The following TRMT1L variants were observed in gnomAD, a reference collection of about 807,000 sequenced individuals.
The protein encoded by TRMT1L is tRNA methyltransferase 1L, also known as tRNA (guanine(27)-N(2))-dimethyltransferase.
Under a neutral mutation model 81.6 loss-of-function variants are expected in TRMT1L, and 28 were observed. That is an observed-to-expected ratio of 0.34 (90% CI 0.25 to 0.47). The LOEUF (loss-of-function observed/expected upper bound fraction) is 0.47. Ranked by LOEUF, TRMT1L falls within the 20% of genes least tolerant of loss-of-function variation. The pLI, the probability that TRMT1L is intolerant of heterozygous loss-of-function variation, is 1.00. For synonymous variants in TRMT1L, 301 were observed against 303.2 expected (o/e 0.99, Z 0.07); for missense variants, 739 against 877.1 (o/e 0.84, Z 1.99).
chr1:185,139,246 A>C, intron 9 of TRMT1L, 121 bp downstream of exon 9: 1 of 743,392 alleles, frequency 1.3e-6, no homozygotes, highest in East Asian at 2.7e-5. Context: ...CCAGTATTAC[A>C]GATAAGGAAT....
chr1:185,137,307 GA>G (rs1309786696), intron 10 of TRMT1L: 1 of 390,500 alleles, frequency 2.6e-6, no homozygotes, highest in African/African-American at 2.1e-5. Context: ...TAACAGCCTG[GA>G]AAAAACGTAA....
Position 185,156,647 on chromosome 1 carries a change from G to A in TRMT1L, c.66C>T (p.Val22=), listed in dbSNP as rs1170755508. The change falls in exon 1 of 15, where the codon GTC becomes GTT. Residue 22 remains valine (V), a synonymous_variant. Transcript: ENST00000367506. ...LEKEEVEVAQ[V]QVPTPARDSA... ...AGTCCCGGGCCGGGGTCGGGACCTG[G>A]ACCTGGGCCACCTCCACCTCCTCCT... 2.5e-6 allele frequency: 4 copies of A among 1,610,108 alleles called. No homozygotes were observed. In the South Asian group the frequency reaches 4.4e-5, roughly 18 times the overall value.
Position 185,120,484 on chromosome 1 carries a change from G to T in TRMT1L, c.1848C>A (p.Ile616=). Residue 616 remains isoleucine (I), a synonymous_variant, in exon 14 of 15, where the codon ATC becomes ATA. Coordinates refer to ENST00000367506, the MANE Select transcript of TRMT1L (RefSeq NM_030934.5). Reference sequence around the variant, plus strand: ...TCTTTTGCTTCTTGCCTAAATTTGTGATCATTTCATTACTTTTTCTCTTTC... The same window carrying T: ...TCTTTTGCTTCTTGCCTAAATTTGTTATCATTTCATTACTTTTTCTCTTTC... ...AQGKRKSNEM[I]TNLGKKQKTD... The T allele has an allele frequency of 6.3e-7, 1 of 1,594,618 alleles. No individual in the cohort carries two copies. The highest frequency in any genetic ancestry group is 8.5e-7 in the Non-Finnish European group (1 of 1,173,742).
intron 10 of TRMT1L, among the ~76,000 whole-genome samples, chr1:185,133,967 T>C (rs1652835307): frequency 1.3e-5 from 2 of 152,204 alleles, no homozygotes; most frequent in Non-Finnish European, 2.9e-5. Flanking sequence ...AATATTGATG[T>C]AGTCCAACGT....
At chr1:185,123,059 C>G (rs1440214723) in intron 13 of TRMT1L, among the ~76,000 whole-genome samples, 2 of 152,154 alleles carry the variant, frequency 1.3e-5, no homozygotes, top group African/African-American at 4.8e-5. Context: ...TAGAATGTAT[C>G]AATTTAAGTT....
chr1:185,127,047 G>C (rs1652647130), intron 11 of TRMT1L, among the ~76,000 whole-genome samples: 1 of 152,180 alleles, frequency 6.6e-6, no homozygotes, highest in Non-Finnish European at 1.5e-5. Context: ...GAAAACCTAA[G>C]TTCTAGCCTT....
intron 9 of TRMT1L, among the ~76,000 whole-genome samples, chr1:185,138,048 G>T (rs192281764): frequency 6.6e-6 from 1 of 151,990 alleles, no homozygotes; most frequent in Admixed American, 6.6e-5. Context: ...CTCTCAATAG[G>T]GCAATATTTT....
chr1:185,122,295 T>TATCA (rs1461481693), intron 13 of TRMT1L, among the ~76,000 whole-genome samples: 1 of 152,256 alleles, frequency 6.6e-6, no homozygotes, highest in Non-Finnish European at 1.5e-5. Context: ...TGCATAGTAC[T>TATCA]ATCATTTTAA....
intron 14 of TRMT1L, 25 bp from the exon 15 acceptor site, chr1:185,120,296 A>G (rs1557982964): frequency 6.6e-7 from 1 of 1,507,496 alleles, no homozygotes; most frequent in Non-Finnish European, 8.9e-7. Context: ...GGAAAGAAAA[A>G]ATAATCAGGT....
chr1:185,128,014 TG>T (rs1271538581), intron 11 of TRMT1L, among the ~76,000 whole-genome samples: 1 of 151,846 alleles, frequency 6.6e-6, no homozygotes, highest in African/African-American at 2.4e-5. Flanking sequence ...CTCAGGAGGC[TG>T]AGGCAGGAGA....
intron 9 of TRMT1L, among the ~76,000 whole-genome samples, chr1:185,138,793 CTG>C (rs1288694541): frequency 6.6e-6 from 1 of 152,086 alleles, no homozygotes; most frequent in Non-Finnish European, 1.5e-5. Context: ...AAAGAAATGA[CTG>C]TTTCTTTCTG....
intron 10 of TRMT1L, among the ~76,000 whole-genome samples, chr1:185,134,416 A>AC (rs1557987217): frequency 6.6e-6 from 1 of 152,074 alleles, no homozygotes; most frequent in Admixed American, 6.6e-5. Context: ...CGAACTCCTG[A>AC]CCTCAGGTGG....
intron 1 of TRMT1L, among the ~76,000 whole-genome samples, chr1:185,152,650 C>G (rs1487783544): frequency 6.6e-6 from 1 of 151,760 alleles, no homozygotes; most frequent in African/African-American, 2.4e-5. Context: ...TGGGAAGGGA[C>G]AGAATAGAAG....
At chr1:185,137,883 A>G (rs2102243289) in intron 9 of TRMT1L, 87 bp from the exon 10 acceptor site, 2 of 1,320,146 alleles carry the variant, frequency 1.5e-6, no homozygotes, top group East Asian at 4.7e-5. Flanking sequence ...TGGACAGTAT[A>G]CTATGGATAA....
In TRMT1L at chr1:185,156,897, A is replaced by T. The variant is rs1033441433; in HGVS notation, c.-185T>A. 1.2e-5 allele frequency: 10 copies of T among 818,076 alleles called. No homozygotes were observed. Among genetic ancestry groups the T allele is most frequent in the Non-Finnish European group, 1.8e-5 (10 of 555,846 alleles). The allele number at this position is 818,076 out of a possible 1,614,324, so 50.7% of individuals were successfully genotyped here. ...ACCAAATCCTGTTAGTAGAAAACAG[A>T]AAGCCAGAGGCAGCGATTCCAGATG... On this transcript the variant is annotated 5_prime_UTR_variant, in exon 1 of 15. Transcript: ENST00000367506.
intron 9 of TRMT1L, among the ~76,000 whole-genome samples, chr1:185,138,821 A>G (rs1019410283): frequency 6.6e-6 from 1 of 152,150 alleles, no homozygotes; most frequent in Admixed American, 6.5e-5. Flanking sequence ...GAGTCTCACT[A>G]TGTTGCCCAG....
intron 1 of TRMT1L, among the ~76,000 whole-genome samples, chr1:185,154,877 T>C (rs1418467767): frequency 6.6e-6 from 1 of 152,242 alleles, no homozygotes. Flanking sequence ...GGCAAACTTC[T>C]TGTTAAATTA....
chr1:185,123,897 T>C lies in TRMT1L; in HGVS notation c.1782A>G (p.Lys594=), dbSNP rs1237576109. Reference sequence around the variant, plus strand: ...TATCTGTTGTGGTGTCATCTGTAGTTTTAATAAATACACCATTTTCTTCTA... The same window carrying C: ...TATCTGTTGTGGTGTCATCTGTAGTCTTAATAAATACACCATTTTCTTCTA... ...NKQEENGVFI[K]TTDDTTTDNY... is the part of the protein sequence containing the mutation. Residue 594 remains lysine, a synonymous_variant, in exon 13 of 15, where the codon AAA becomes AAG. Coordinates refer to ENST00000367506, the MANE Select transcript of TRMT1L (RefSeq NM_030934.5). 5 of 1,510,132 alleles carry C rather than the reference T, an allele frequency of 3.3e-6. No homozygotes were observed. The allele number at this position is 1,510,132 out of a possible 1,614,324, so 93.5% of individuals were successfully genotyped here.
At position 185,141,475 on chromosome 1, in the gene TRMT1L, G is replaced by A. The variant is rs555096212; in HGVS notation, c.860-1253C>T. Among the ~76,000 whole-genome samples the A allele has an allele frequency of 8.5e-5, 13 of 152,242 alleles. No homozygotes were observed. In the East Asian group the frequency reaches 1.5e-3, roughly 18 times the overall value. ...TCCCAGCACTTTGGGAGGCTGGGGCGGGTGGATCACCTGAGGTCAGGAGTT... is the reference window on the plus strand; with the variant it reads ...TCCCAGCACTTTGGGAGGCTGGGGCAGGTGGATCACCTGAGGTCAGGAGTT... On this transcript the variant is annotated intron_variant, in intron 7 of 14. Coordinates refer to ENST00000367506, the MANE Select transcript of TRMT1L (RefSeq NM_030934.5).
Sources: allele counts gnomAD v4.1 joint callset (sites outside exome capture counted in the v4.1 genomes callset), GRCh38; gene constraint gnomAD v4.1.1; transcripts MANE v1.5; gene names NCBI Gene and HGNC (gene_info 2026-07-23, HGNC 2026-07-21).